OLFM1: variants seen among roughly 807,000 people sequenced by gnomAD.
OLFM1 encodes the protein olfactomedin 1.
OLFM1 carries 9 observed loss-of-function variants against 49.7 expected under a neutral mutation model. The ratio of observed to expected loss-of-function variants is 0.18; its 90% confidence interval spans 0.11 to 0.32. The LOEUF is 0.32. Ranked by LOEUF, OLFM1 falls within the 10% of genes least tolerant of loss-of-function variation. The pLI is 1.00. For missense variants in OLFM1, 369 were observed against 661.8 expected (o/e 0.56, Z 4.85); for synonymous variants, 240 against 271.8 (o/e 0.88, Z 1.15).
At chr9:135,087,345 G>T (rs1051398757), upstream of OLFM1, 8 of 1,543,014 alleles carry the variant, frequency 5.2e-6, no homozygotes, top group Non-Finnish European at 6.1e-6. Flanking sequence ...CCCTCTGCGG[G>T]GATCGGAGAG....
chr9:135,085,410 C>T (rs1305741014), upstream of OLFM1, among the ~76,000 whole-genome samples: 1 of 152,226 alleles, frequency 6.6e-6, no homozygotes, highest in Non-Finnish European at 1.5e-5. Context: ...TGGGCTTAGC[C>T]CTGGAAATAG....
Position 135,117,012 on chromosome 9 carries a change from A to C in OLFM1, c.784-2492A>C, listed in dbSNP as rs1831105419. On this transcript the variant is annotated intron_variant, in intron 5 of 5. Transcript: ENST00000371793. The surrounding 1 kb of genome is among the most constrained non-coding windows in gnomAD (Gnocchi z 5.5). ...TAATGCCAAGTCTGAAAGCTCCCTC[A>C]TCCTTAGTCTCCTGCAGCTCCAGAG... is the stretch of plus-strand genomic sequence containing the variant. Among the ~76,000 whole-genome samples the C allele has an allele frequency of 6.6e-6, 1 of 152,112 alleles. No homozygotes were observed. Among genetic ancestry groups the C allele is most frequent in the African/African-American group, 2.4e-5 (1 of 41,406 alleles).
At chr9:135,075,578 C>T in exon 1 of OLFM1, 2 of 523,914 alleles carry the variant, frequency 3.8e-6, no homozygotes, top group Non-Finnish European at 6.2e-6. Flanking sequence ...GCGCCGCCCG[C>T]TCCGGGTGCT....
intron 4 of OLFM1, among the ~76,000 whole-genome samples, chr9:135,103,253 C>T (rs767053421): frequency 5.3e-5 from 8 of 152,226 alleles, no homozygotes; most frequent in African/African-American, 9.6e-5. Flanking sequence ...TGGAGAGGGA[C>T]GCTTTCCTGA....
In OLFM1 at chr9:135,080,941, AT is replaced by A. The variant is rs1830524808; in HGVS notation, c.96+5141del. Among the ~76,000 whole-genome samples the A allele has an allele frequency of 1.3e-5, 2 of 151,402 alleles. No homozygotes were observed. The highest frequency in any genetic ancestry group is 4.8e-5 in the African/African-American group (2 of 41,296). On this transcript the variant is annotated intron_variant, in intron 1 of 5. Coordinates refer to the OLFM1 transcript ENST00000252854. The surrounding 1 kb of genome is among the most constrained non-coding windows in gnomAD (Gnocchi z 4.5). ...GCACACCTCTGAGTTTTTTTAGATT[AT>A]TAAAATAATAATCTAAATATTATAA...
At chr9:135,079,405 A>G (rs1292846411) in intron 1 of OLFM1, among the ~76,000 whole-genome samples, 1 of 152,088 alleles carries the variant, frequency 6.6e-6, no homozygotes, top group Non-Finnish European at 1.5e-5. Context: ...GGAGTTCAAA[A>G]CCAGCCCGGC....
intron 4 of OLFM1, among the ~76,000 whole-genome samples, chr9:135,101,934 AG>A (rs1490876816): frequency 6.6e-6 from 1 of 152,238 alleles, no homozygotes; most frequent in African/African-American, 2.4e-5. Flanking sequence ...CTGGTGCTAA[AG>A]GCTTCCTTAG....
At chr9:135,100,273 G>A (rs1830852863) in intron 4 of OLFM1, among the ~76,000 whole-genome samples, 1 of 152,164 alleles carries the variant, frequency 6.6e-6, no homozygotes, top group Non-Finnish European at 1.5e-5. Context: ...TTTCTGAGGG[G>A]GCACCACCCC....
chr9:135,114,395 G>A (rs1021531204), intron 5 of OLFM1, among the ~76,000 whole-genome samples: 3 of 152,050 alleles, frequency 2.0e-5, no homozygotes, highest in South Asian at 2.1e-4. Context: ...GATTACAAGC[G>A]TAAGCCCCCA....
chr9:135,081,634 T>G (rs1358087935), intron 1 of OLFM1, among the ~76,000 whole-genome samples: 1 of 152,170 alleles, frequency 6.6e-6, no homozygotes, highest in Non-Finnish European at 1.5e-5. Context: ...GGCAGCCCTG[T>G]GCCCGTTAAA....
chr9:135,097,903 C>T (rs2119117973), intron 3 of OLFM1: 1 of 1,555,858 alleles, frequency 6.4e-7, no homozygotes, highest in Non-Finnish European at 8.6e-7. Flanking sequence ...TTTTCCAATA[C>T]TTAGCACCAT....
chr9:135,098,211 G>A lies in OLFM1; in HGVS notation c.457-75G>A. The A allele has an allele frequency of 5.8e-6, 9 of 1,560,274 alleles. No homozygotes were observed. The highest frequency in any genetic ancestry group is 7.9e-6 in the Non-Finnish European group (9 of 1,144,562). On this transcript the variant is annotated intron_variant, in intron 3 of 5. Transcript: ENST00000371793. This position sits in a 1 kb window ranked among gnomAD's most constrained non-coding sequence, Gnocchi z 5.6. ...AATATACACACTTTCCCTCACCTAGGGAGAAGCCAGGCCAAGGCAGGGTGT... is the reference window on the plus strand; with the variant it reads ...AATATACACACTTTCCCTCACCTAGAGAGAAGCCAGGCCAAGGCAGGGTGT...
At chr9:135,107,010 G>C (rs11103673) in intron 5 of OLFM1, among the ~76,000 whole-genome samples, 155 bp downstream of exon 5, 1 of 152,130 alleles carries the variant, frequency 6.6e-6, no homozygotes, top group African/African-American at 2.4e-5. Context: ...GAAGACTTTC[G>C]GGAGGGACCC....
intron 5 of OLFM1, among the ~76,000 whole-genome samples, chr9:135,108,236 A>G (rs12339426): frequency 0.064 from 9,783 of 152,226 alleles, 1,058 homozygotes; most frequent in African/African-American, 0.22. Context: ...TCCACATCCC[A>G]CCTGGAAAAC....
chr9:135,075,748 C>T, exon 1 of OLFM1: 1 of 1,606,472 alleles, frequency 6.2e-7, no homozygotes, highest in Non-Finnish European at 8.5e-7. Flanking sequence ...TGCACCCGGC[C>T]CGGAAGCTCC....
At chr9:135,090,740 G>T (rs1830674550) in intron 2 of OLFM1, among the ~76,000 whole-genome samples, 1 of 152,112 alleles carries the variant, frequency 6.6e-6, no homozygotes, top group Non-Finnish European at 1.5e-5. Context: ...CAGGGCTGGG[G>T]CTGTCACCCA....
At chr9:135,084,497 C>CTCTGT, upstream of OLFM1, among the ~76,000 whole-genome samples, 2 of 121,054 alleles carry the variant, frequency 1.7e-5, no homozygotes, top group African/African-American at 5.3e-5. The surrounding 1 kb of genome is among the most constrained non-coding windows in gnomAD (Gnocchi z 4.6). Context: ...TTTCTCCTCT[C>CTCTGT]TTCTCTCTCC....
In OLFM1 at chr9:135,098,137, T is replaced by A; in HGVS notation, c.457-149T>A. ...GTGTTCTGAGGACTGTTTAATATGC[T>A]CTTCTAACTCATTTGGACCAGAACA... On this transcript the variant is annotated intron_variant, in intron 3 of 5. Transcript: ENST00000371793. This position sits in a 1 kb window ranked among gnomAD's most constrained non-coding sequence, Gnocchi z 5.6. The A allele has an allele frequency of 6.3e-6, 9 of 1,435,922 alleles. No individual in the cohort carries two copies. Among genetic ancestry groups the A allele is most frequent in the Non-Finnish European group, 8.2e-6 (9 of 1,097,866 alleles). The allele number at this position is 1,435,922 out of a possible 1,614,324, so 88.9% of individuals were successfully genotyped here.
intron 4 of OLFM1, among the ~76,000 whole-genome samples, chr9:135,105,079 G>A (rs1002567651): frequency 1.3e-5 from 2 of 152,212 alleles, no homozygotes; most frequent in African/African-American, 2.4e-5. Context: ...GACCACGGCC[G>A]AGAAGACCCT....
Sources: allele counts gnomAD v4.1 joint callset (sites outside exome capture counted in the v4.1 genomes callset), GRCh38; gene constraint gnomAD v4.1.1; non-coding constraint Gnocchi (gnomAD v3.1); transcripts MANE v1.5; gene names NCBI Gene and HGNC (gene_info 2026-07-23, HGNC 2026-07-21).